Variants in GPC6 observed in about 807,000 individuals in gnomAD.
GPC6 encodes glypican-6.
GPC6 carries 14 observed loss-of-function variants against 55.2 expected under a neutral mutation model. The observed-to-expected ratio is 0.25, with a 90% CI of 0.17 to 0.40. The LOEUF is 0.40. Among genes scored for constraint, GPC6 ranks in the 10% least tolerant of loss-of-function variants. GPC6 has a pLI of 1.00. For synonymous variants in GPC6, 278 were observed against 259.6 expected, an observed-to-expected ratio of 1.07 and a Z score of -0.68; for missense variants, 641 against 708.5, an observed-to-expected ratio of 0.90 and a Z score of 1.08.
At chr13:93,272,448 A>T (rs1251930340) in intron 1 of GPC6, among the ~76,000 whole-genome samples, 1 of 149,544 alleles carries the variant, frequency 6.7e-6, no homozygotes, top group African/African-American at 2.5e-5. Flanking sequence ...TAAGCACTGA[A>T]ATTTGAGAGG....
chr13:93,345,037 G>C (rs1453940144), intron 1 of GPC6, among the ~76,000 whole-genome samples: 1 of 152,074 alleles, frequency 6.6e-6, no homozygotes, highest in South Asian at 2.1e-4. Flanking sequence ...TATTAGCCTA[G>C]TAAGAGAAGA....
chr13:94,053,699 G>T (rs577643665), intron 4 of GPC6, among the ~76,000 whole-genome samples: 101 of 152,230 alleles, frequency 6.6e-4, no homozygotes, highest in African/African-American at 2.4e-3. Context: ...CTCCAGGTCT[G>T]TAAACACCCA....
intron 2 of GPC6, among the ~76,000 whole-genome samples, chr13:93,612,917 G>A (rs1431349361): frequency 6.6e-6 from 1 of 152,064 alleles, no homozygotes; most frequent in Non-Finnish European, 1.5e-5. Context: ...AGATAAATGA[G>A]GGAAACTGCT....
chr13:93,522,543 T>C (rs1881461730), intron 1 of GPC6, among the ~76,000 whole-genome samples: 1 of 151,916 alleles, frequency 6.6e-6, no homozygotes, highest in African/African-American at 2.4e-5. Context: ...CAATATTCCC[T>C]TTATGGCAGA....
chr13:93,536,650 T>C (rs368200149), intron 1 of GPC6, among the ~76,000 whole-genome samples: 4 of 152,356 alleles, frequency 2.6e-5, no homozygotes, highest in East Asian at 3.9e-4. Flanking sequence ...TGTTTCAACC[T>C]TTTGGTTATT....
At chr13:94,028,046 C>T (rs559571068) in intron 4 of GPC6, 152 bp downstream of exon 4, 4 of 749,344 alleles carry the variant, frequency 5.3e-6, no homozygotes, top group East Asian at 5.3e-5. Context: ...AGATGGATTG[C>T]TTGAGCCCAG....
chr13:93,890,986 C>T (rs1416366660), intron 3 of GPC6, among the ~76,000 whole-genome samples: 1 of 151,904 alleles, frequency 6.6e-6, no homozygotes, highest in Non-Finnish European at 1.5e-5. Flanking sequence ...ACTAGCGAGA[C>T]ATGTCAAAAG....
At chr13:94,254,237 G>A (rs1306013672) in intron 4 of GPC6, among the ~76,000 whole-genome samples, 3 of 152,050 alleles carry the variant, frequency 2.0e-5, no homozygotes, top group Admixed American at 2.0e-4. Flanking sequence ...ACAAAAAATT[G>A]CCAAAAAGCC....
chr13:93,343,152 A>G (rs9561321), intron 1 of GPC6, among the ~76,000 whole-genome samples: 59,110 of 144,612 alleles, frequency 0.41, 12,837 homozygotes, highest in East Asian at 0.91. Context: ...GCCAGCATTT[A>G]ACCTGAATGT....
At chr13:94,188,166 A>G (rs1285686612) in intron 4 of GPC6, among the ~76,000 whole-genome samples, 5 of 152,236 alleles carry the variant, frequency 3.3e-5, no homozygotes, top group African/African-American at 4.8e-5. Context: ...TTCATGTCTC[A>G]GTGACCTAGA....
chr13:94,228,394 T>C (rs886456767), intron 4 of GPC6, among the ~76,000 whole-genome samples: 1 of 152,082 alleles, frequency 6.6e-6, no homozygotes, highest in African/African-American at 2.4e-5. Context: ...CAAGAAAAAT[T>C]GAAACTTTAT....
chr13:94,263,901 A>G (rs528952724), intron 4 of GPC6, among the ~76,000 whole-genome samples: 94 of 152,292 alleles, frequency 6.2e-4, no homozygotes, highest in African/African-American at 2.2e-3. Context: ...TGAATAGTCA[A>G]CGCCATTGAT....
intron 1 of GPC6, among the ~76,000 whole-genome samples, chr13:93,419,606 A>C (rs1375212364): frequency 6.6e-6 from 1 of 152,180 alleles, no homozygotes; most frequent in Non-Finnish European, 1.5e-5. Context: ...TTTGCCTTTC[A>C]ACCGATAATA....
intron 2 of GPC6, among the ~76,000 whole-genome samples, chr13:93,726,527 A>G (rs1883650044): frequency 2.6e-5 from 4 of 152,112 alleles, no homozygotes; most frequent in Admixed American, 2.6e-4. Flanking sequence ...GGGGTATGTC[A>G]GAGAAAATTT....
intron 6 of GPC6, among the ~76,000 whole-genome samples, chr13:94,320,642 G>A (rs1876772829): frequency 6.6e-6 from 1 of 152,172 alleles, no homozygotes; most frequent in Admixed American, 6.5e-5. Flanking sequence ...TGCCCACCCT[G>A]CAAATCTGAG....
intron 4 of GPC6, among the ~76,000 whole-genome samples, chr13:94,034,213 G>GAAGA (rs1240681428): frequency 6.9e-6 from 1 of 145,004 alleles, no homozygotes; most frequent in Non-Finnish European, 1.5e-5. Context: ...AGGAAGGAAG[G>GAAGA]AAGGAAGGAA....
chr13:93,446,071 A>G lies in GPC6; in HGVS notation c.161-99192A>G, dbSNP rs74601567. 5.8e-4 allele frequency among the ~76,000 whole-genome samples: 89 copies of G among 152,344 alleles called. No homozygotes were observed. The East Asian group carries it at 0.014, about 25-fold the overall frequency. On this transcript the variant is annotated intron_variant, in intron 1 of 8. Transcript: ENST00000377047. ...GAGATAATAGGAATGATTGAAAGAA[A>G]TCTTCTTGGGTTTATGACTAAACCA...
intron 2 of GPC6, among the ~76,000 whole-genome samples, chr13:93,697,362 C>T (rs903237127): frequency 3.3e-5 from 5 of 152,124 alleles, no homozygotes; most frequent in African/African-American, 7.2e-5. Flanking sequence ...ACTTGCTTTA[C>T]ATCCCTTCAT....
At chr13:93,921,044 C>G (rs1443735745) in intron 3 of GPC6, among the ~76,000 whole-genome samples, 1 of 152,218 alleles carries the variant, frequency 6.6e-6, no homozygotes, top group Non-Finnish European at 1.5e-5. Flanking sequence ...TAACACTGAA[C>G]TTCTGCTCAT....
Sources: allele counts gnomAD v4.1 joint callset (sites outside exome capture counted in the v4.1 genomes callset), GRCh38; gene constraint gnomAD v4.1.1; transcripts MANE v1.5; gene names NCBI Gene and HGNC (gene_info 2026-07-23, HGNC 2026-07-21).